SCFD2: variants seen among roughly 807,000 people sequenced by gnomAD.
SCFD2 encodes the protein sec1 family domain containing 2, also known as sec1 family domain-containing protein 2.
SCFD2 carries 54 observed loss-of-function variants against 58.9 expected under a neutral mutation model. The ratio of observed to expected loss-of-function variants is 0.92; its 90% CI spans 0.74 to 1.15. The LOEUF is 1.15. Among genes scored for constraint, SCFD2 ranks in the 50% most tolerant of loss-of-function variants. The pLI, the probability that SCFD2 is intolerant of heterozygous loss-of-function variation, is 0.00. For synonymous variants in SCFD2, 321 were observed against 335.9 expected (o/e 0.96, Z 0.49); for missense variants, 805 against 836.6 (o/e 0.96, Z 0.47).
At chr4:53,151,881 T>C (rs1161569580) in intron 4 of SCFD2, among the ~76,000 whole-genome samples, 1 of 152,202 alleles carries the variant, frequency 6.6e-6, no homozygotes. Context: ...AAGGGGGTGC[T>C]CAGCACATCA....
intron 5 of SCFD2, among the ~76,000 whole-genome samples, chr4:52,999,911 C>T (rs537006945): frequency 3.9e-5 from 6 of 152,346 alleles, no homozygotes; most frequent in Admixed American, 1.3e-4. Context: ...GGATGGCAGT[C>T]GCTGAGCTGC....
chr4:53,137,258 CA>C (rs1725970304), intron 5 of SCFD2, among the ~76,000 whole-genome samples: 1 of 152,198 alleles, frequency 6.6e-6, no homozygotes, highest in Non-Finnish European at 1.5e-5. Context: ...TAAAAAAGGA[CA>C]GATTTGGCCA....
At chr4:52,966,335 C>T (rs1425605684) in intron 5 of SCFD2, among the ~76,000 whole-genome samples, 4 of 152,202 alleles carry the variant, frequency 2.6e-5, no homozygotes, top group Admixed American at 6.5e-5. Flanking sequence ...TCAACGTAAG[C>T]ACAGGTCACT....
intron 1 of SCFD2, among the ~76,000 whole-genome samples, chr4:53,361,054 C>T (rs1429157607): frequency 6.6e-6 from 1 of 152,174 alleles, no homozygotes; most frequent in Non-Finnish European, 1.5e-5. Context: ...CCACACAAAC[C>T]TGCTACTGAG....
chr4:53,038,756 A>G (rs943882761), intron 5 of SCFD2, among the ~76,000 whole-genome samples: 1 of 151,700 alleles, frequency 6.6e-6, no homozygotes, highest in African/African-American at 2.4e-5. Context: ...TGGTGTGATC[A>G]CATCTCACTG....
chr4:52,952,547 A>G (rs1042501506), intron 5 of SCFD2, among the ~76,000 whole-genome samples: 5 of 152,198 alleles, frequency 3.3e-5, no homozygotes, highest in African/African-American at 1.2e-4. Flanking sequence ...CACAAATAGT[A>G]AACATAAGCT....
At chr4:53,332,149 G>GCCGA (rs943496050) in intron 2 of SCFD2, among the ~76,000 whole-genome samples, 18 of 151,032 alleles carry the variant, frequency 1.2e-4, no homozygotes, top group African/African-American at 4.1e-4. Flanking sequence ...CGGATTCACA[G>GCCGA]CCGAATTCTA....
intron 6 of SCFD2, among the ~76,000 whole-genome samples, chr4:52,912,295 T>G (rs971311135): frequency 2.6e-5 from 4 of 152,050 alleles, no homozygotes; most frequent in Non-Finnish European, 5.9e-5. Flanking sequence ...TAATATTTTA[T>G]CTAAAAGCAT....
chr4:53,041,469 T>C (rs1174988463), intron 5 of SCFD2, among the ~76,000 whole-genome samples: 1 of 152,332 alleles, frequency 6.6e-6, no homozygotes, highest in African/African-American at 2.4e-5. Flanking sequence ...CTGTTTACCA[T>C]ACTTGCACAC....
At chr4:53,325,405 A>G (rs1029954519) in intron 2 of SCFD2, among the ~76,000 whole-genome samples, 1 of 152,188 alleles carries the variant, frequency 6.6e-6, no homozygotes, top group Non-Finnish European at 1.5e-5. Context: ...CAAATCACAA[A>G]GAATTAGCCA....
At chr4:53,353,189 C>G (rs1734284478) in intron 1 of SCFD2, among the ~76,000 whole-genome samples, 1 of 152,282 alleles carries the variant, frequency 6.6e-6, no homozygotes, top group South Asian at 2.1e-4. Context: ...CGTGGTCTCG[C>G]TGGCTTCAGG....
At chr4:52,976,584 A>T (rs1379006845) in intron 5 of SCFD2, among the ~76,000 whole-genome samples, 1 of 152,180 alleles carries the variant, frequency 6.6e-6, no homozygotes, top group East Asian at 1.9e-4. Context: ...CTATAGCCAC[A>T]GGTAGGCTTG....
intron 5 of SCFD2, among the ~76,000 whole-genome samples, chr4:53,073,529 T>C (rs1472758550): frequency 6.6e-6 from 1 of 152,134 alleles, no homozygotes; most frequent in Non-Finnish European, 1.5e-5. Context: ...CCAAGCCCTG[T>C]TGACCCTCTC....
chr4:53,337,054 A>G (rs1212302768), intron 2 of SCFD2, among the ~76,000 whole-genome samples: 1 of 152,192 alleles, frequency 6.6e-6, no homozygotes, highest in Admixed American at 6.5e-5. Flanking sequence ...AGTCTACTCC[A>G]GTTGCCATAA....
intron 4 of SCFD2, among the ~76,000 whole-genome samples, chr4:53,259,341 T>C (rs1730756459): frequency 6.6e-6 from 1 of 152,250 alleles, no homozygotes; most frequent in Non-Finnish European, 1.5e-5. Flanking sequence ...CTAGAATCTT[T>C]ATGGTTTCAG....
chr4:53,166,023 C>A (rs1726996098), intron 4 of SCFD2, among the ~76,000 whole-genome samples: 1 of 152,174 alleles, frequency 6.6e-6, no homozygotes, highest in Admixed American at 6.5e-5. Flanking sequence ...TGGTAACATA[C>A]AATATTCATC....
intron 5 of SCFD2, among the ~76,000 whole-genome samples, chr4:53,099,694 G>C (rs143422354): frequency 6.6e-6 from 1 of 152,068 alleles, no homozygotes. Context: ...GGAACTATTA[G>C]AGCAAGTACT....
intron 4 of SCFD2, among the ~76,000 whole-genome samples, chr4:53,195,575 C>T (rs1728034995): frequency 6.6e-6 from 1 of 152,076 alleles, no homozygotes; most frequent in Non-Finnish European, 1.5e-5. Context: ...CATAGTCAGC[C>T]CCAGTTTTTA....
At chr4:53,105,212 G>A (rs915194638) in intron 5 of SCFD2, among the ~76,000 whole-genome samples, 1 of 151,970 alleles carries the variant, frequency 6.6e-6, no homozygotes, top group East Asian at 1.9e-4. Context: ...ATTCACTTCC[G>A]TGCCTACACC....
Sources: gnomAD v4.1 joint callset for allele counts (sites outside exome capture counted in the v4.1 genomes callset) on GRCh38, gnomAD v4.1.1 for gene constraint, MANE v1.5 for transcripts, NCBI Gene and HGNC (gene_info 2026-07-23, HGNC 2026-07-21) for gene names.